Variants in CTPS2 observed in about 807,000 individuals in gnomAD.
The protein encoded by CTPS2 is CTP synthase II.
In CTPS2, 19 loss-of-function variants were observed where a neutral mutation model predicts 46.8. That is an observed-to-expected ratio of 0.41 (90% CI 0.28 to 0.60). The LOEUF is 0.60. Ranked by LOEUF, CTPS2 falls within the 20% of genes least tolerant of loss-of-function variation. The pLI, the probability that CTPS2 is intolerant of heterozygous loss-of-function variation, is 0.35. For synonymous variants in CTPS2, 151 were observed against 165.2 expected (o/e 0.91, Z 0.66); for missense variants, 286 against 447.6 (o/e 0.64, Z 3.26).
At position 16,588,057 on chromosome X, in the gene CTPS2, C is replaced by T. The variant is rs192945552; in HGVS notation, c.*1760G>A. On this transcript the variant is annotated 3_prime_UTR_variant, in exon 19 of 19. Transcript: ENST00000359276. ...GCCATAGAAAGGAATGAAATTCTGACACATGCTACAACATGGGTAAACCTT... is the reference window on the plus strand; with the variant it reads ...GCCATAGAAAGGAATGAAATTCTGATACATGCTACAACATGGGTAAACCTT... 12 of 112,227 alleles carry T rather than the reference C, an allele frequency of 1.1e-4. No individual in the cohort carries two copies. In the East Asian group the frequency reaches 3.1e-3, roughly 29 times the overall value. The allele number at this position is 112,227 out of a possible 1,213,427, so 9.2% of individuals were successfully genotyped here. A position where few individuals can be genotyped will look rare whatever the true frequency, so the allele number is the denominator to read the frequency against.
At chrX:16,638,926 T>G in intron 14 of CTPS2, 1 of 527,776 alleles carries the variant, frequency 1.9e-6, no homozygotes, top group Non-Finnish European at 3.5e-6. Context: ...GGGCATTCAG[T>G]GTGTTCTACT....
intron 14 of CTPS2, chrX:16,638,392 C>G (rs1480262246): frequency 8.9e-6 from 1 of 111,941 alleles, no homozygotes; most frequent in Non-Finnish European, 1.9e-5. Flanking sequence ...TCTGCCTTCC[C>G]CTTTTGTCAC....
chrX:16,682,730 G>A (rs1922845358), intron 9 of CTPS2, among the ~76,000 whole-genome samples: 2 of 111,599 alleles, frequency 1.8e-5, no homozygotes, highest in Middle Eastern at 4.6e-3. Context: ...GGGTGCCTAC[G>A]TGACCAGCCC....
At chrX:16,630,638 C>T (rs1440903446) in intron 14 of CTPS2, among the ~76,000 whole-genome samples, 5 of 111,192 alleles carry the variant, frequency 4.5e-5, no homozygotes, top group African/African-American at 1.6e-4. Context: ...AGGCCCACCT[C>T]TTCCCTCCTC....
intron 9 of CTPS2, among the ~76,000 whole-genome samples, chrX:16,682,347 T>C (rs1254949002): frequency 1.8e-5 from 2 of 111,493 alleles, no homozygotes; most frequent in Middle Eastern, 4.2e-3. Context: ...TAGCTGGGCA[T>C]GGTGGCGGGA....
At chrX:16,629,129 C>G (rs1406971134) in intron 14 of CTPS2, among the ~76,000 whole-genome samples, 4 of 112,423 alleles carry the variant, frequency 3.6e-5, no homozygotes, top group Admixed American at 9.4e-5. Flanking sequence ...AGTGGCTCCA[C>G]AGGCTGGGCT....
intron 2 of CTPS2, among the ~76,000 whole-genome samples, chrX:16,701,800 C>A (rs1435192648): frequency 9.2e-6 from 1 of 108,310 alleles, no homozygotes. Flanking sequence ...GGGGTTTCAC[C>A]GTGTTAGCCA....
intron 17 of CTPS2, 35 bp from the exon 18 acceptor site, chrX:16,590,897 A>T (rs1158656685): frequency 7.1e-6 from 6 of 840,933 alleles, no homozygotes; most frequent in Middle Eastern, 3.0e-4. Flanking sequence ...AGCAAGGTAT[A>T]AAAAAAAAAC....
At chrX:16,683,055 G>A (rs1230068141) in intron 9 of CTPS2, 39 bp downstream of exon 9, 4 of 1,203,242 alleles carry the variant, frequency 3.3e-6, no homozygotes, top group Admixed American at 2.2e-5. Flanking sequence ...CTATTGGCAT[G>A]AATTACTGAG....
chrX:16,670,978 G>A (rs758684296), intron 10 of CTPS2, among the ~76,000 whole-genome samples: 46 of 111,881 alleles, frequency 4.1e-4, no homozygotes, highest in Admixed American at 3.6e-3. Flanking sequence ...AAAAGAAACT[G>A]AATGAAAATA....
intron 4 of CTPS2, among the ~76,000 whole-genome samples, chrX:16,696,955 G>T (rs1452047386): frequency 9.0e-6 from 1 of 110,849 alleles, no homozygotes; most frequent in African/African-American, 3.3e-5. Context: ...AAATGAGGAC[G>T]TTGAAACTGT....
At chrX:16,706,549 C>T (rs1925026336) in intron 1 of CTPS2, among the ~76,000 whole-genome samples, 1 of 110,620 alleles carries the variant, frequency 9.0e-6, no homozygotes, top group Non-Finnish European at 1.9e-5. Flanking sequence ...CATGATGAAA[C>T]CCTGTCTCTA....
chrX:16,663,205 C>T (rs1455321294), intron 13 of CTPS2, among the ~76,000 whole-genome samples: 2 of 111,504 alleles, frequency 1.8e-5, no homozygotes, highest in Middle Eastern at 4.7e-3. Flanking sequence ...TGGAATGCAG[C>T]GGCGTGATCA....
At chrX:16,603,568 G>T (rs1361366092) in intron 17 of CTPS2, among the ~76,000 whole-genome samples, 1 of 110,080 alleles carries the variant, frequency 9.1e-6, no homozygotes, top group Non-Finnish European at 1.9e-5. Context: ...AAAGAGTGTG[G>T]GTGTGTGTGT....
intron 4 of CTPS2, among the ~76,000 whole-genome samples, chrX:16,697,283 A>C (rs1296945000): frequency 2.7e-5 from 3 of 110,114 alleles, no homozygotes; most frequent in Non-Finnish European, 5.7e-5. Context: ...TGACTCTAAG[A>C]ACCAAATTGG....
intron 11 of CTPS2, 145 bp downstream of exon 11, chrX:16,670,435 T>C: frequency 2.3e-6 from 1 of 426,840 alleles, no homozygotes; most frequent in East Asian, 3.8e-5. Context: ...AGAATATAGT[T>C]TGTTGACCCT....
chrX:16,646,108 A>G (rs1000186008), intron 13 of CTPS2, among the ~76,000 whole-genome samples: 1 of 113,096 alleles, frequency 8.8e-6, no homozygotes, highest in Admixed American at 9.4e-5. Context: ...TACACCTCAG[A>G]AAAAGAACCT....
chrX:16,602,035 C>A (rs1929698029), intron 17 of CTPS2, among the ~76,000 whole-genome samples: 1 of 111,655 alleles, frequency 9.0e-6, no homozygotes, highest in Non-Finnish European at 1.9e-5. Context: ...CCAGCACCTG[C>A]TGACTATGAG....
In CTPS2 at chrX:16,667,470, C is replaced by G. The variant is rs367794696; in HGVS notation, c.1296+44G>C. The G allele has an allele frequency of 2.5e-6, 3 of 1,184,638 alleles. No homozygotes were observed. In the African/African-American group the frequency reaches 5.3e-5, roughly 21 times the overall value. ...ATGAATTTAGGCAAGAGCCAGGACC[C>G]AAGTGACAATGACTGGACCCAGAAA... On this transcript the variant is annotated intron_variant, in intron 13 of 18. Transcript: ENST00000359276.
Sources: gnomAD v4.1 joint callset for allele counts (sites outside exome capture counted in the v4.1 genomes callset) on GRCh38, gnomAD v4.1.1 for gene constraint, MANE v1.5 for transcripts, NCBI Gene and HGNC (gene_info 2026-07-23, HGNC 2026-07-21) for gene names.